ZNF18: variants seen among roughly 807,000 people sequenced by gnomAD.
ZNF18 encodes the protein zinc finger protein 18.
In ZNF18, 42 loss-of-function variants were observed where a neutral mutation model predicts 58.1. That is an observed-to-expected ratio of 0.72 (90% CI 0.56 to 0.93). The LOEUF (loss-of-function observed/expected upper bound fraction) is 0.93. Ranked by LOEUF, ZNF18 falls within the 40% of genes least tolerant of loss-of-function variation. The pLI, the probability that ZNF18 is intolerant of heterozygous loss-of-function variation, is 0.00. For missense variants in ZNF18, 540 were observed against 644.2 expected (o/e 0.84, Z 1.75); for synonymous variants, 231 against 239.8 (o/e 0.96, Z 0.34).
upstream of ZNF18, among the ~76,000 whole-genome samples, chr17:12,000,717 A>AAAGAAAGAAAGG (rs1968641875): frequency 1.3e-5 from 2 of 152,170 alleles, no homozygotes; most frequent in African/African-American, 4.8e-5. Context: ...ACTCTGTCAG[A>AAAGAAAGAAAGG]AAGAAAGAAA....
the ZNF18 span, among the ~76,000 whole-genome samples, chr17:12,011,859 T>A: frequency 1.2e-3 from 175 of 150,894 alleles, no homozygotes; most frequent in African/African-American, 3.9e-3. Flanking sequence ...CACCACCACA[T>A]CCAGCTAATT....
At chr17:12,001,514 A>C (rs183348464), upstream of ZNF18, among the ~76,000 whole-genome samples, 64 of 152,230 alleles carry the variant, frequency 4.2e-4, 1 homozygote, top group East Asian at 0.012. Flanking sequence ...CTGTAGTCCC[A>C]GCAACTCTAG....
At chr17:11,983,701 T>C (rs1457692114) in intron 5 of ZNF18, among the ~76,000 whole-genome samples, 1 of 152,144 alleles carries the variant, frequency 6.6e-6, no homozygotes, top group Non-Finnish European at 1.5e-5. Context: ...CAATGGTTGG[T>C]TGACAAGTGT....
chr17:12,019,103 T>A, the ZNF18 span, among the ~76,000 whole-genome samples: 1 of 151,852 alleles, frequency 6.6e-6, no homozygotes, highest in Non-Finnish European at 1.5e-5. Flanking sequence ...TATAGGTACC[T>A]GCCACCACAC....
At chr17:11,996,126 G>GA (rs1359302504) in intron 1 of ZNF18, among the ~76,000 whole-genome samples, 9 of 151,934 alleles carry the variant, frequency 5.9e-5, no homozygotes, top group Admixed American at 1.3e-4. Flanking sequence ...CATAGTCAAA[G>GA]AAAAAAATCA....
upstream of ZNF18, among the ~76,000 whole-genome samples, chr17:12,001,218 G>T (rs12601096): frequency 2.0e-5 from 3 of 151,930 alleles, no homozygotes; most frequent in Non-Finnish European, 4.4e-5. Flanking sequence ...ACAAATCCTC[G>T]TACAGAGAAA....
chr17:11,988,750 G>C (rs543372207), intron 4 of ZNF18, among the ~76,000 whole-genome samples: 21 of 151,476 alleles, frequency 1.4e-4, no homozygotes, highest in African/African-American at 5.1e-4. Context: ...GCACCCCATA[G>C]CAAAGTTCAA....
chr17:12,004,661 C>A, the ZNF18 span, among the ~76,000 whole-genome samples: 5 of 152,058 alleles, frequency 3.3e-5, no homozygotes, highest in African/African-American at 1.2e-4. Context: ...GCCGAGGCAG[C>A]AGATCACCTG....
chr17:11,982,651 T>C (rs1164500367), intron 6 of ZNF18, among the ~76,000 whole-genome samples: 1 of 143,102 alleles, frequency 7.0e-6, no homozygotes, highest in East Asian at 2.1e-4. Flanking sequence ...TTACTGTATA[T>C]ATAAAAGTGT....
At chr17:11,979,445 G>A (rs1335434097) in intron 6 of ZNF18, among the ~76,000 whole-genome samples, 2 of 152,140 alleles carry the variant, frequency 1.3e-5, no homozygotes, top group African/African-American at 4.8e-5. Flanking sequence ...CAATGCAGCG[G>A]GGCTTTACTA....
At chr17:12,000,704 G>A (rs1968641514), upstream of ZNF18, among the ~76,000 whole-genome samples, 1 of 152,096 alleles carries the variant, frequency 6.6e-6, no homozygotes. Flanking sequence ...CAACAAGAGC[G>A]AAACTCTGTC....
At position 11,992,746 on chromosome 17, in the gene ZNF18, A is replaced by G. The variant is rs1218966545; in HGVS notation, c.84T>C (p.Ala28=). The change falls in exon 2 of 7, where the codon GCT becomes GCC. Residue 28 remains alanine, a synonymous_variant. Transcript: ENST00000580306. ...GGCTGGAGAGTTCCTCTTGAAGGGC[A>G]GCATCTGATTCTGAGAACTGGGAGT... ...AEDSQFSESD[A]ALQEELSSPE... The G allele has an allele frequency of 1.2e-6, 2 of 1,614,262 alleles. No homozygotes were observed. The highest frequency in any genetic ancestry group is 4.5e-5 in the East Asian group (2 of 44,880).
chr17:11,978,220 GCTT>G lies in ZNF18; in HGVS notation c.1384_1386del (p.Lys462del). ...TTCCCACAGTAATCACATTTACAGG[GCTT>G]CTCTCCCGTGTGAGTTCTCTGATGC... On this transcript the variant is annotated inframe_deletion, in exon 7 of 7. Transcript: ENST00000580306. 6.2e-7 allele frequency: 1 copy of G among 1,613,996 alleles called. No individual in the cohort carries two copies. Among genetic ancestry groups the G allele is most frequent in the Non-Finnish European group, 8.5e-7 (1 of 1,179,988 alleles).
chr17:12,011,695 ATTTTTTTTT>A, the ZNF18 span, among the ~76,000 whole-genome samples: 10 of 87,606 alleles, frequency 1.1e-4, no homozygotes, highest in Non-Finnish European at 1.7e-4. Flanking sequence ...AATGTTCTTA[ATTTTTTTTT>A]TTTTTTTTTT....
chr17:11,997,667 G>T (rs1385470592), upstream of ZNF18, among the ~76,000 whole-genome samples: 3 of 152,214 alleles, frequency 2.0e-5, no homozygotes, highest in African/African-American at 7.2e-5. Flanking sequence ...CGTTCCTTCC[G>T]TCACTCACTC....
chr17:11,978,254 A>G lies in ZNF18; in HGVS notation c.1353T>C (p.Phe451=). Residue 451 remains phenylalanine, a synonymous_variant, in exon 7 of 7, where the codon TTT becomes TTC. Coordinates refer to ENST00000580306, the MANE Select transcript of ZNF18 (RefSeq NM_001303281.2). ...CCGTGTGAGTTCTCTGATGCTTCACAAAGTCTGAACTCCGCAGAAAGGCTT... is the reference window on the plus strand; with the variant it reads ...CCGTGTGAGTTCTCTGATGCTTCACGAAGTCTGAACTCCGCAGAAAGGCTT... The part of the protein sequence containing the change: ...CKKAFLRSSD[F]VKHQRTHTGE... 1 of 1,613,282 alleles carries G rather than the reference A, an allele frequency of 6.2e-7. No homozygotes were observed. Among genetic ancestry groups the G allele is most frequent in the African/African-American group, 1.3e-5 (1 of 74,960 alleles).
the ZNF18 span, among the ~76,000 whole-genome samples, chr17:12,002,817 G>T: frequency 1.3e-5 from 2 of 152,326 alleles, no homozygotes; most frequent in South Asian, 2.1e-4. Context: ...CCCTGGAACT[G>T]AGGAGCAGAA....
chr17:12,007,984 G>A, the ZNF18 span, among the ~76,000 whole-genome samples: 7 of 152,088 alleles, frequency 4.6e-5, no homozygotes, highest in African/African-American at 1.7e-4. Context: ...CTCAGAGAAC[G>A]GAAAGAAAAT....
In ZNF18 at chr17:11,992,803, T is replaced by G; in HGVS notation, c.27A>C (p.Leu9=). Residue 9 remains leucine (L), a synonymous_variant, in exon 2 of 7, where the codon CTA becomes CTC. Coordinates refer to ENST00000580306, the MANE Select transcript of ZNF18 (RefSeq NM_001303281.2). The stretch of plus-strand genomic sequence containing the variant: ...CCTTCGCCAGCGATGGCAGCAGGCC[T>G]AGGGCCTGCCCCAAGTCAACGGGCA... MPVDLGQA[L]GLLPSLAKAE... 1 of 1,613,602 alleles carries G rather than the reference T, an allele frequency of 6.2e-7. No homozygotes were observed. The highest frequency in any genetic ancestry group is 8.5e-7 in the Non-Finnish European group (1 of 1,179,974).
Sources: gnomAD v4.1 joint callset for allele counts (sites outside exome capture counted in the v4.1 genomes callset) on GRCh38, gnomAD v4.1.1 for gene constraint, MANE v1.5 for transcripts, NCBI Gene and HGNC (gene_info 2026-07-23, HGNC 2026-07-21) for gene names.